CCDC33: variants seen among roughly 807,000 people sequenced by gnomAD.
CCDC33 encodes the protein coiled-coil domain-containing protein 33.
CCDC33 carries 94 observed loss-of-function variants against 91.9 expected under a neutral mutation model. The ratio of observed to expected loss-of-function variants is 1.02; its 90% CI spans 0.87 to 1.21. The LOEUF (loss-of-function observed/expected upper bound fraction) is 1.21, where lower values mean the gene tolerates loss of function less well. Ranked by LOEUF, CCDC33 falls within the 50% of genes most tolerant of loss-of-function variation. The pLI is 0.00. For missense variants in CCDC33, 940 were observed against 935.5 expected, an observed-to-expected ratio of 1.00 and a Z score of -0.06; for synonymous variants, 396 against 374.5, an observed-to-expected ratio of 1.06 and a Z score of -0.66.
chr15:74,221,432 C>A, intron 2 of CCDC33: 1 of 556,928 alleles, frequency 1.8e-6, no homozygotes, highest in Non-Finnish European at 2.3e-6. Flanking sequence ...GCTTCTCAGC[C>A]ACGGCCCCTG....
chr15:74,285,581 G>A (rs550675111), intron 10 of CCDC33, among the ~76,000 whole-genome samples: 3 of 152,002 alleles, frequency 2.0e-5, no homozygotes, highest in South Asian at 4.2e-4. Context: ...GCTGCAGGGC[G>A]ACCTCAGCAA....
intron 10 of CCDC33, among the ~76,000 whole-genome samples, chr15:74,291,117 CT>C (rs1276866377): frequency 6.6e-6 from 1 of 152,236 alleles, no homozygotes. Flanking sequence ...TGGGGCCCTT[CT>C]TGGCTGGGAG....
intron 11 of CCDC33, chr15:74,299,565 G>A (rs2059752489): frequency 6.6e-6 from 1 of 152,226 alleles, no homozygotes; most frequent in African/African-American, 2.4e-5. Flanking sequence ...CCCAGGGATG[G>A]GCAGGAATGG....
At chr15:74,269,917 C>T (rs2076269487) in intron 5 of CCDC33, among the ~76,000 whole-genome samples, 1 of 151,596 alleles carries the variant, frequency 6.6e-6, no homozygotes, top group Non-Finnish European at 1.5e-5. Flanking sequence ...TGATCAGAGT[C>T]CACACAGAAC....
intron 2 of CCDC33, among the ~76,000 whole-genome samples, chr15:74,257,723 A>C (rs1022089431): frequency 6.6e-5 from 10 of 152,232 alleles, no homozygotes; most frequent in African/African-American, 2.4e-4. Flanking sequence ...TATCTGTTCA[A>C]GCCCTGCCTT....
upstream of CCDC33, among the ~76,000 whole-genome samples, chr15:74,231,328 A>G (rs1207687592): frequency 6.6e-6 from 1 of 152,210 alleles, no homozygotes; most frequent in Non-Finnish European, 1.5e-5. Flanking sequence ...TGTGCTGGAT[A>G]GAAGTGATGT....
At position 74,328,939 on chromosome 15, in the gene CCDC33, T is replaced by C. The variant is rs2060368354; in HGVS notation, c.1291-1250T>C. 2.0e-5 allele frequency among the ~76,000 whole-genome samples: 3 copies of C among 152,172 alleles called. No individual in the cohort carries two copies. The South Asian group carries it at 6.2e-4, about 31-fold the overall frequency. On this transcript the variant is annotated intron_variant, in intron 11 of 18. Transcript: ENST00000398814. ...ACGCAGGAGCAAACTCACTTCCCCA[T>C]GCCCATTTCCTCCCCCATCCCAGCT... is the stretch of plus-strand genomic sequence containing the variant.
chr15:74,271,853 G>T (rs1595994689), intron 6 of CCDC33, 59 bp downstream of exon 6: 41 of 1,446,448 alleles, frequency 2.8e-5, no homozygotes, highest in South Asian at 3.5e-5. Context: ...AGAGGAGGGG[G>T]TGAGGCTGTC....
At chr15:74,317,280 G>A (rs1475268728) in intron 11 of CCDC33, among the ~76,000 whole-genome samples, 1 of 152,222 alleles carries the variant, frequency 6.6e-6, no homozygotes, top group Non-Finnish European at 1.5e-5. Flanking sequence ...AGAATGGCAT[G>A]AACCCGGGAG....
chr15:74,280,575 C>T (rs903048572), intron 8 of CCDC33, 93 bp from the exon 9 acceptor site: 93 of 1,369,770 alleles, frequency 6.8e-5, no homozygotes, highest in Non-Finnish European at 8.1e-5. Flanking sequence ...GGAAAGCAGG[C>T]AGCGGGAGAC....
At chr15:74,240,111 G>T (rs1450628927) in intron 1 of CCDC33, among the ~76,000 whole-genome samples, 1 of 152,246 alleles carries the variant, frequency 6.6e-6, no homozygotes, top group Non-Finnish European at 1.5e-5. Context: ...CTGCCCAGCG[G>T]GCACATGCCT....
chr15:74,324,560 C>T (rs1374333808), intron 11 of CCDC33, among the ~76,000 whole-genome samples: 2 of 152,020 alleles, frequency 1.3e-5, no homozygotes, highest in East Asian at 3.9e-4. Context: ...CTGGCAATTG[C>T]GCTAGTCCTG....
intron 11 of CCDC33, among the ~76,000 whole-genome samples, chr15:74,310,454 T>C (rs2059970487): frequency 6.6e-6 from 1 of 151,602 alleles, no homozygotes; most frequent in Admixed American, 6.6e-5. Context: ...GGAAAATAGC[T>C]TGAACCCAGG....
chr15:74,290,414 G>A (rs1208472827), intron 10 of CCDC33, among the ~76,000 whole-genome samples: 2 of 152,102 alleles, frequency 1.3e-5, no homozygotes, highest in Non-Finnish European at 2.9e-5. Context: ...CTGACCTCAC[G>A]ATCCACCTGC....
At chr15:74,280,518 C>A in intron 8 of CCDC33, 150 bp from the exon 9 acceptor site, 1 of 860,472 alleles carries the variant, frequency 1.2e-6, no homozygotes, top group Admixed American at 2.8e-5. Context: ...TTCACAAAGC[C>A]CTGAAGATGA....
At chr15:74,242,477 G>T (rs1009747012) in intron 1 of CCDC33, among the ~76,000 whole-genome samples, 1 of 152,208 alleles carries the variant, frequency 6.6e-6, no homozygotes, top group Non-Finnish European at 1.5e-5. Context: ...GCCCTGGAAT[G>T]CAGGGTCTGA....
At position 74,227,681 on chromosome 15, in the gene CCDC33, T is replaced by A. The variant is rs545979753; in HGVS notation, c.675+8820T>A. Among the ~76,000 whole-genome samples the A allele has an allele frequency of 2.3e-3, 347 of 152,330 alleles. 9 individuals carry two copies. The highest frequency in any genetic ancestry group is 2.2e-4 in the Non-Finnish European group (15 of 68,032). ...GCCCATAATTAAGGCCTTTCCACCCTGTCTGAGAAGTGACAGTGAGTTACA... is the reference window on the plus strand; with the variant it reads ...GCCCATAATTAAGGCCTTTCCACCCAGTCTGAGAAGTGACAGTGAGTTACA... On this transcript the variant is annotated intron_variant, in intron 2 of 2. Transcript: ENST00000635913.
intron 2 of CCDC33, among the ~76,000 whole-genome samples, chr15:74,245,888 G>A (rs542098355): frequency 1.1e-3 from 174 of 152,328 alleles, no homozygotes; most frequent in South Asian, 2.1e-3. Context: ...CCACCAGCTC[G>A]AGGTGGTGCT....
Position 74,333,924 on chromosome 15 carries a change from A to G in CCDC33, c.1982A>G (p.Lys661Arg), listed in dbSNP as rs781231201. Residue 661 changes from lysine to arginine, a missense_variant, in exon 17 of 19, where the codon AAG becomes AGG. Lys to Arg is a conservative substitution (Grantham distance 26). Transcript: ENST00000398814. ...GTSDKFNLLA[K>R]LEHAQSRILS... The stretch of plus-strand genomic sequence containing the variant: ...TCAGACAAGTTCAACCTCCTGGCCA[A>G]GCTGGAACACGCTCAGAGCCGGATC... 1.9e-6 allele frequency: 3 copies of G among 1,613,684 alleles called. No individual in the cohort carries two copies. The highest frequency in any genetic ancestry group is 2.5e-6 in the Non-Finnish European group (3 of 1,179,768).
Sources: allele counts gnomAD v4.1 joint callset (sites outside exome capture counted in the v4.1 genomes callset), GRCh38; gene constraint gnomAD v4.1.1; transcripts MANE v1.5; gene names NCBI Gene and HGNC (gene_info 2026-07-23, HGNC 2026-07-21).